MX2: variants seen among roughly 807,000 people sequenced by gnomAD.
MX2 encodes MX dynamin like GTPase 2.
Under a neutral mutation model 74.0 loss-of-function variants are expected in MX2, and 51 were observed. The ratio of observed to expected loss-of-function variants is 0.69; its 90% CI spans 0.55 to 0.87. The LOEUF is 0.87. Ranked by LOEUF, MX2 falls within the 40% of genes least tolerant of loss-of-function variation. The pLI is 0.00. For synonymous variants in MX2, 369 were observed against 339.3 expected, an observed-to-expected ratio of 1.09 and a Z score of -0.96; for missense variants, 832 against 908.7, an observed-to-expected ratio of 0.92 and a Z score of 1.09.
chr21:41,393,464 G>C (rs1167213361), intron 6 of MX2, among the ~76,000 whole-genome samples: 1 of 151,868 alleles, frequency 6.6e-6, no homozygotes, highest in Non-Finnish European at 1.5e-5. Context: ...AGTCACCCCA[G>C]TTGCCCACTC....
intron 4 of MX2, among the ~76,000 whole-genome samples, chr21:41,381,570 A>G (rs2089492773): frequency 6.6e-6 from 1 of 151,702 alleles, no homozygotes; most frequent in African/African-American, 2.4e-5. Flanking sequence ...CTGTAGTCCC[A>G]GCTACTTAGG....
intron 3 of MX2, among the ~76,000 whole-genome samples, chr21:41,378,347 C>T (rs1054779053): frequency 6.6e-6 from 1 of 151,758 alleles, no homozygotes; most frequent in South Asian, 2.1e-4. Flanking sequence ...CTGGGAGGGC[C>T]CTAGGAGGGC....
intron 1 of MX2, among the ~76,000 whole-genome samples, chr21:41,362,353 T>C (rs2089218512): frequency 6.6e-6 from 1 of 151,848 alleles, no homozygotes; most frequent in Non-Finnish European, 1.5e-5. Flanking sequence ...AAGGGGTGGT[T>C]TTTAGGACAG....
At chr21:41,371,993 C>T (rs753714819) in intron 1 of MX2, among the ~76,000 whole-genome samples, 6 of 152,184 alleles carry the variant, frequency 3.9e-5, no homozygotes, top group African/African-American at 1.2e-4. Context: ...ATTTTGCGAA[C>T]ACCGAGGGTG....
At chr21:41,375,307 A>G (rs2089385886) in intron 1 of MX2, among the ~76,000 whole-genome samples, 1 of 152,168 alleles carries the variant, frequency 6.6e-6, no homozygotes, top group African/African-American at 2.4e-5. Context: ...CACAATAACC[A>G]CGTGGTGGAA....
chr21:41,408,088 T>C lies in MX2; in HGVS notation c.2003T>C (p.Ile668Thr). The C allele has an allele frequency of 1.9e-6, 3 of 1,614,148 alleles. No homozygotes were observed. Among genetic ancestry groups the C allele is most frequent in the South Asian group, 1.1e-5 (1 of 91,084 alleles). Residue 668 changes from isoleucine (I) to threonine (T), a missense_variant, in exon 14 of 14, where the codon ATA becomes ACA. Ile to Thr is a moderately conservative substitution (Grantham distance 89, BLOSUM62 -1). Coordinates refer to ENST00000330714, the MANE Select transcript of MX2 (RefSeq NM_002463.2). ...GDSLQKAMMQ[I>T]LQEKNRYSWL... Reference sequence around the variant, plus strand: ...TCCTTGCAGAAAGCCATGATGCAGATACTACAGGAAAAAAATCGCTATTCC... The same window carrying C: ...TCCTTGCAGAAAGCCATGATGCAGACACTACAGGAAAAAAATCGCTATTCC...
In MX2 at chr21:41,362,490, C is replaced by T. The variant is rs372893090; in HGVS notation, c.-72+435C>T. On this transcript the variant is annotated intron_variant, in intron 1 of 13. Coordinates refer to ENST00000330714, the MANE Select transcript of MX2 (RefSeq NM_002463.2). ...TGATGCTCTGACGTAACCTTAGTGACGGTGATATGCTGGGAAATTGGCTCT... is the reference window on the plus strand; with the variant it reads ...TGATGCTCTGACGTAACCTTAGTGATGGTGATATGCTGGGAAATTGGCTCT... Among the ~76,000 whole-genome samples the T allele has an allele frequency of 6.6e-5, 10 of 152,014 alleles. No homozygotes were observed. The East Asian group carries it at 9.7e-4, about 15-fold the overall frequency.
intron 13 of MX2, among the ~76,000 whole-genome samples, chr21:41,407,214 A>G (rs555064677): frequency 2.5e-4 from 38 of 152,330 alleles, no homozygotes; most frequent in African/African-American, 9.1e-4. Flanking sequence ...CCCACAATCA[A>G]TTTTTAAAGT....
intron 13 of MX2, among the ~76,000 whole-genome samples, chr21:41,407,282 G>A (rs896150425): frequency 1.1e-4 from 16 of 152,000 alleles, no homozygotes; most frequent in African/African-American, 3.1e-4. Flanking sequence ...TTTCTTATGC[G>A]GTCCATGAAT....
chr21:41,407,124 C>T, intron 13 of MX2, 126 bp downstream of exon 13: 1 of 946,132 alleles, frequency 1.1e-6, no homozygotes. Flanking sequence ...TTAAGCCCTT[C>T]TGTATTATGA....
intron 3 of MX2, 30 bp from the exon 4 acceptor site, chr21:41,379,987 C>G (rs756706928): frequency 1.2e-6 from 2 of 1,611,876 alleles, no homozygotes; most frequent in Admixed American, 1.7e-5. Context: ...TAAAAGGAAA[C>G]TGAGGATATT....
chr21:41,398,805 G>A (rs547567343), intron 8 of MX2, 92 bp from the exon 9 acceptor site: 1 of 1,512,968 alleles, frequency 6.6e-7, no homozygotes, highest in South Asian at 1.3e-5. Flanking sequence ...GATCTTCCTG[G>A]ATGCTTTAAA....
At chr21:41,379,640 C>T (rs936552942) in intron 3 of MX2, among the ~76,000 whole-genome samples, 1 of 152,166 alleles carries the variant, frequency 6.6e-6, no homozygotes, top group Non-Finnish European at 1.5e-5. Flanking sequence ...ACCTGACATG[C>T]TGACTCCAGC....
Position 41,380,132 on chromosome 21 carries a change from G to C in MX2, c.558G>C (p.Val186=). ...TELELQDPGQ[V]EKEIHKAQNV... is the part of the protein sequence containing the mutation. ...TAGAGCTTCAGGACCCTGGCCAGGT[G>C]GAGAAAGAGATACACAAAGGTGGGC... is the stretch of plus-strand genomic sequence containing the variant. The change falls in exon 4 of 14, where the codon GTG becomes GTC. Residue 186 remains valine, a synonymous_variant. Coordinates refer to ENST00000330714, the MANE Select transcript of MX2 (RefSeq NM_002463.2). The surrounding 1 kb of genome is among the most constrained non-coding windows in gnomAD (Gnocchi z 4.3). The C allele has an allele frequency of 1.2e-6, 2 of 1,613,828 alleles. No individual in the cohort carries two copies. The highest frequency in any genetic ancestry group is 1.7e-6 in the Non-Finnish European group (2 of 1,179,796).
At position 41,395,650 on chromosome 21, in the gene MX2, GGA is replaced by G; in HGVS notation, c.936_937del (p.Asn313ProfsTer64). On this transcript the variant is annotated frameshift_variant, in exon 7 of 14. Transcript: ENST00000330714. LOFTEE classifies it high-confidence loss of function. Reference sequence around the variant, plus strand: ...GAGAAAAGCGTCATGAATGTGGTGCGGAACCTCACGTACCCCCTCAAGAAGGG... The same window carrying G: ...GAGAAAAGCGTCATGAATGTGGTGCGACCTCACGTACCCCCTCAAGAAGGG... The G allele has an allele frequency of 6.2e-7, 1 of 1,614,148 alleles. No individual in the cohort carries two copies.
rs145742237 is a variant in MX2 at position 41,400,552 on chromosome 21, A to G, written c.1414+1215A>G. Among the ~76,000 whole-genome samples, 4 of 152,262 alleles carry G rather than the reference A, an allele frequency of 2.6e-5. No homozygotes were observed. The East Asian group carries it at 7.7e-4, about 29-fold the overall frequency. The stretch of plus-strand genomic sequence containing the variant: ...TATAAAAAACTACCTGAGACTGGGT[A>G]ATTTATAAAGAAAGGAGGTTTAATG... On this transcript the variant is annotated intron_variant, in intron 10 of 13. Transcript: ENST00000330714.
At chr21:41,378,130 GAC>G (rs773697877) in intron 3 of MX2, 149 bp downstream of exon 3, 2 of 994,770 alleles carry the variant, frequency 2.0e-6, no homozygotes, top group South Asian at 1.7e-5. Context: ...CGCTGAGAGA[GAC>G]AGGCCACTGG....
Position 41,398,880 on chromosome 21 carries a change from G to A in MX2, c.1150-17G>A. The A allele has an allele frequency of 2.5e-6, 4 of 1,609,222 alleles. No individual in the cohort carries two copies. Among genetic ancestry groups the A allele is most frequent in the Non-Finnish European group, 2.6e-6 (3 of 1,176,258 alleles). On this transcript the variant is annotated splice_polypyrimidine_tract_variant and intron_variant, in intron 8 of 13. Coordinates refer to ENST00000330714, the MANE Select transcript of MX2 (RefSeq NM_002463.2). ...CTCTTAAGCCGCAGTTTGATTGTTT[G>A]CAATTGTTTTGTTTAGAAATCGCTC...
chr21:41,375,265 C>G (rs1196315321), intron 1 of MX2, among the ~76,000 whole-genome samples: 2 of 152,224 alleles, frequency 1.3e-5, no homozygotes, highest in Non-Finnish European at 2.9e-5. Context: ...GGATGGTGTG[C>G]CAGGAGTGAG....
Sources: gnomAD v4.1 joint callset for allele counts (sites outside exome capture counted in the v4.1 genomes callset) on GRCh38, gnomAD v4.1.1 for gene constraint, Gnocchi (gnomAD v3.1) non-coding constraint, MANE v1.5 for transcripts, NCBI Gene and HGNC (gene_info 2026-07-23, HGNC 2026-07-21) for gene names.